The following NOL4 variants were observed in gnomAD, a reference collection of about 807,000 sequenced individuals.
NOL4 encodes nucleolar protein 4.
NOL4 carries 17 observed loss-of-function variants against 75.9 expected under a neutral mutation model. The ratio of observed to expected loss-of-function variants is 0.22; its 90% CI spans 0.15 to 0.34. The LOEUF (loss-of-function observed/expected upper bound fraction) is 0.34. NOL4 is among the 10% of genes least tolerant of loss of function. The pLI is 1.00. For synonymous variants in NOL4, 292 were observed against 289.9 expected, an observed-to-expected ratio of 1.01 and a Z score of -0.07; for missense variants, 614 against 793.5, an observed-to-expected ratio of 0.77 and a Z score of 2.72.
chr18:33,882,517 C>T (rs1170129086), intron 10 of NOL4, among the ~76,000 whole-genome samples: 1 of 151,800 alleles, frequency 6.6e-6, no homozygotes, highest in African/African-American at 2.4e-5. Context: ...TACCATCTCA[C>T]ACCAGTTAGA....
intron 5 of NOL4, among the ~76,000 whole-genome samples, chr18:34,082,285 T>C (rs1018941764): frequency 5.3e-5 from 8 of 152,120 alleles, no homozygotes; most frequent in Non-Finnish European, 1.0e-4. Flanking sequence ...AAGGCTGTGT[T>C]CCAATCCTGT....
chr18:34,146,972 T>C (rs2081426806), intron 1 of NOL4, among the ~76,000 whole-genome samples: 1 of 152,144 alleles, frequency 6.6e-6, no homozygotes, highest in African/African-American at 2.4e-5. Flanking sequence ...TTTTATTCTC[T>C]TTGTAGCAAT....
At chr18:34,048,700 G>T in intron 5 of NOL4, 1 of 662,818 alleles carries the variant, frequency 1.5e-6, no homozygotes, top group Non-Finnish European at 1.9e-6. Context: ...AGGGAAACAT[G>T]CACTCAGTCT....
chr18:34,163,651 A>G (rs1368008896), intron 1 of NOL4, among the ~76,000 whole-genome samples: 1 of 152,206 alleles, frequency 6.6e-6, no homozygotes, highest in African/African-American at 2.4e-5. Flanking sequence ...ATACCGTGAA[A>G]ATGGCTATAC....
intron 4 of NOL4, among the ~76,000 whole-genome samples, chr18:34,102,623 C>T (rs2079090701): frequency 6.6e-6 from 1 of 151,786 alleles, no homozygotes; most frequent in Non-Finnish European, 1.5e-5. Context: ...TTTTAGAAGC[C>T]AGAAGGGATC....
At position 34,114,679 on chromosome 18, in the gene NOL4, A is replaced by G. The variant is rs148222060; in HGVS notation, c.415-9519T>C. 2.8e-3 allele frequency among the ~76,000 whole-genome samples: 432 copies of G among 152,298 alleles called. 1 individual carries two copies. Among genetic ancestry groups the G allele is most frequent in the African/African-American group, 9.8e-3 (407 of 41,568 alleles). On this transcript the variant is annotated intron_variant, in intron 2 of 10. Transcript: ENST00000261592. ...AATGGTTAAAACAGATTTTCCAGTA[A>G]CTTTTTGATAAATTGGTTGACTGCT...
At chr18:33,913,171 A>G (rs180931103) in intron 9 of NOL4, among the ~76,000 whole-genome samples, 1 of 151,650 alleles carries the variant, frequency 6.6e-6, no homozygotes, top group African/African-American at 2.4e-5. Context: ...CTTTCCATCA[A>G]CATTGCATGA....
intron 8 of NOL4, among the ~76,000 whole-genome samples, chr18:33,943,411 T>C (rs1466021102): frequency 6.6e-6 from 1 of 151,820 alleles, no homozygotes; most frequent in African/African-American, 2.4e-5. Context: ...TTCCCATAGA[T>C]CCATTGTCAC....
chr18:34,207,832 T>C (rs1428143669), intron 1 of NOL4, among the ~76,000 whole-genome samples: 1 of 152,162 alleles, frequency 6.6e-6, no homozygotes, highest in Non-Finnish European at 1.5e-5. Context: ...CTGTTTTCTG[T>C]TCCTCTGGCC....
intron 5 of NOL4, among the ~76,000 whole-genome samples, chr18:34,022,067 G>A (rs2075075558): frequency 6.6e-6 from 1 of 151,422 alleles, no homozygotes; most frequent in African/African-American, 2.4e-5. Flanking sequence ...TCGCGCCATT[G>A]CACTCCAGCC....
intron 8 of NOL4, among the ~76,000 whole-genome samples, chr18:33,954,684 G>A (rs1040373026): frequency 9.2e-5 from 14 of 151,822 alleles, no homozygotes; most frequent in African/African-American, 3.4e-4. Flanking sequence ...ATTTATCCAG[G>A]GCAAATAAGA....
At chr18:34,122,394 T>A (rs1021544040) in intron 2 of NOL4, among the ~76,000 whole-genome samples, 2 of 151,904 alleles carry the variant, frequency 1.3e-5, no homozygotes, top group Non-Finnish European at 2.9e-5. Flanking sequence ...AGGAGAATAG[T>A]AGACACAAAA....
chr18:34,079,242 G>A (rs9957617), intron 5 of NOL4, among the ~76,000 whole-genome samples: 64,511 of 151,810 alleles, frequency 0.42, 13,823 homozygotes, highest in Admixed American at 0.51. Context: ...TATCCCCAAC[G>A]AAGAGTAACT....
At chr18:33,919,759 TATGCA>T (rs891113662) in intron 9 of NOL4, among the ~76,000 whole-genome samples, 4 of 152,168 alleles carry the variant, frequency 2.6e-5, no homozygotes, top group African/African-American at 4.8e-5. Context: ...GTGTACAGGG[TATGCA>T]TATGTGAATC....
intron 9 of NOL4, among the ~76,000 whole-genome samples, chr18:33,888,567 C>G (rs981681510): frequency 1.3e-5 from 2 of 152,094 alleles, no homozygotes; most frequent in African/African-American, 2.4e-5. Flanking sequence ...ACATTTAAGT[C>G]TTTAATTTTC....
intron 5 of NOL4, among the ~76,000 whole-genome samples, chr18:34,024,194 A>AAAAAAATATATATATATATAT: frequency 2.8e-5 from 2 of 70,696 alleles, no homozygotes; most frequent in Non-Finnish European, 6.3e-5. Flanking sequence ...AAAAAAAAAA[A>AAAAAAATATATATATATATAT]ATATATATAT....
At chr18:33,985,286 A>C (rs933539087) in intron 6 of NOL4, among the ~76,000 whole-genome samples, 2 of 152,150 alleles carry the variant, frequency 1.3e-5, no homozygotes, top group African/African-American at 4.8e-5. Flanking sequence ...ACACCTGAGG[A>C]ATTCAGGAAT....
At chr18:34,095,482 T>G (rs2145574704) in intron 4 of NOL4, among the ~76,000 whole-genome samples, 1 of 152,230 alleles carries the variant, frequency 6.6e-6, no homozygotes, top group African/African-American at 2.4e-5. Context: ...GAAGCCAGAC[T>G]TCCTAGATTC....
At chr18:33,905,220 T>C (rs141993355) in intron 9 of NOL4, among the ~76,000 whole-genome samples, 6 of 152,286 alleles carry the variant, frequency 3.9e-5, no homozygotes, top group Non-Finnish European at 5.9e-5. Flanking sequence ...TCTAGCAGGA[T>C]CACTCATCCC....
Sources: gnomAD v4.1 joint callset for allele counts (sites outside exome capture counted in the v4.1 genomes callset) on GRCh38, gnomAD v4.1.1 for gene constraint, MANE v1.5 for transcripts, NCBI Gene and HGNC (gene_info 2026-07-23, HGNC 2026-07-21) for gene names.